INTS8: variants seen among roughly 807,000 people sequenced by gnomAD.
The protein encoded by INTS8 is protein kaonashi-1.
In INTS8, 47 loss-of-function variants were observed where a neutral mutation model predicts 138.9. That is an observed-to-expected ratio of 0.34 (90% CI 0.27 to 0.43). The LOEUF is 0.43. Ranked by LOEUF, INTS8 falls within the 20% of genes least tolerant of loss-of-function variation. The pLI, the probability that INTS8 is intolerant of heterozygous loss-of-function variation, is 1.00. For synonymous variants in INTS8, 392 were observed against 400.9 expected (o/e 0.98, Z 0.27); for missense variants, 996 against 1,173.0 (o/e 0.85, Z 2.20).
intron 13 of INTS8, 105 bp from the exon 14 acceptor site, chr8:94,853,700 G>C (rs1021842685): frequency 6.3e-6 from 4 of 632,474 alleles, no homozygotes; most frequent in Admixed American, 5.1e-5. Context: ...GAGACGACCC[G>C]TGAGTTATTT....
intron 13 of INTS8, 21 bp from the exon 14 acceptor site, chr8:94,853,784 T>C (rs770335638): frequency 2.3e-6 from 3 of 1,302,906 alleles, no homozygotes; most frequent in South Asian, 1.2e-5. Flanking sequence ...CATATATATA[T>C]GTATTTTTTG....
In INTS8 at chr8:94,824,943, C is replaced by T; in HGVS notation, c.181C>T (p.Pro61Ser). ...IVQFLEQASK[P>S]SVNEQNQVQP... ...TCAGTTTTTGGAACAGGCTTCCAAA[C>T]CTTCAGTTAATGAACAAAACCAAGT... The change falls in exon 2 of 27, where the codon CCT becomes TCT. Residue 61 changes from proline (P) to serine (S), a missense_variant. By Grantham distance (74) the Pro-to-Ser change is moderately conservative. Coordinates refer to ENST00000523731, the MANE Select transcript of INTS8 (RefSeq NM_017864.4). 3 of 1,612,940 alleles carry T rather than the reference C, an allele frequency of 1.9e-6. No individual in the cohort carries two copies. The highest frequency in any genetic ancestry group is 2.2e-5 in the South Asian group (2 of 91,056).
rs1018948442 is a variant in INTS8, at chr8:94,881,047, T to TA, written c.*819dup. 6 of 398,266 alleles carry TA rather than the reference T, an allele frequency of 1.5e-5. No homozygotes were observed. Among genetic ancestry groups the TA allele is most frequent in the Non-Finnish European group, 2.7e-5 (6 of 225,714 alleles). The allele number at this position is 398,266 out of a possible 1,614,324, so 24.7% of individuals were successfully genotyped here. ...TTATGGCAAGGCAAATAAACTAGTT[T>TA]AAAAAACATTAAATTTCACCATTTG... On this transcript the variant is annotated 3_prime_UTR_variant, in exon 27 of 27. Coordinates refer to ENST00000523731, the MANE Select transcript of INTS8 (RefSeq NM_017864.4).
intron 2 of INTS8, among the ~76,000 whole-genome samples, chr8:94,826,616 A>AT (rs1341000204): frequency 6.6e-6 from 1 of 152,172 alleles, no homozygotes; most frequent in Non-Finnish European, 1.5e-5. Context: ...TAATATTGTG[A>AT]TTATGTTAAG....
chr8:94,837,002 A>G (rs1401353864), intron 7 of INTS8, among the ~76,000 whole-genome samples: 4 of 152,096 alleles, frequency 2.6e-5, no homozygotes. Context: ...TACAGCTGCA[A>G]TATTTGTATC....
intron 5 of INTS8, among the ~76,000 whole-genome samples, chr8:94,830,290 T>C (rs1814664021): frequency 6.6e-6 from 1 of 152,202 alleles, no homozygotes; most frequent in South Asian, 2.1e-4. Context: ...ACACCTACAA[T>C]GTTCCATATT....
rs773853044 is a variant in INTS8, at chr8:94,865,537, A to G, written c.2108A>G (p.Glu703Gly). ...CAGCTTTTAGCAGCTACATGCAAAGAACTTCCAGGCCCTAAAGAAAGTAGA... is the reference window on the plus strand; with the variant it reads ...CAGCTTTTAGCAGCTACATGCAAAGGACTTCCAGGCCCTAAAGAAAGTAGA... ...LGQLLAATCK[E>G]LPGPKESRRT... Residue 703 changes from glutamate to glycine, a missense_variant, in exon 17 of 27, where the codon GAA (glutamate) becomes GGA (glycine). Transcript: ENST00000523731. 1.2e-6 allele frequency: 2 copies of G among 1,613,960 alleles called. No homozygotes were observed. Among genetic ancestry groups the G allele is most frequent in the Non-Finnish European group, 1.7e-6 (2 of 1,179,904 alleles).
At chr8:94,866,970 A>T (rs1430892467) in intron 18 of INTS8, 170 bp from the exon 19 acceptor site, 7 of 565,266 alleles carry the variant, frequency 1.2e-5, no homozygotes, top group Non-Finnish European at 2.2e-5. Flanking sequence ...CCGCCCCCAC[A>T]TGCGATTAAA....
Position 94,842,347 on chromosome 8 carries a change from A to G in INTS8, c.1119A>G (p.Gly373=). ...LRELFKKAQQ[G]NEALDEICFK... Reference sequence around the variant, plus strand: ...GTTGATCTACTTTTGTATTCTACAGAAATGAAGCTCTAGATGAAATCTGTT... The same window carrying G: ...GTTGATCTACTTTTGTATTCTACAGGAATGAAGCTCTAGATGAAATCTGTT... Residue 373 remains glycine (G), a splice_region_variant and synonymous_variant, in exon 10 of 27, where the codon GGA becomes GGG. Coordinates refer to ENST00000523731, the MANE Select transcript of INTS8 (RefSeq NM_017864.4). The G allele has an allele frequency of 6.4e-7, 1 of 1,573,958 alleles. No individual in the cohort carries two copies. The highest frequency in any genetic ancestry group is 8.7e-7 in the Non-Finnish European group (1 of 1,154,208).
chr8:94,823,720 C>A (rs1814369916), intron 1 of INTS8, among the ~76,000 whole-genome samples, 159 bp downstream of exon 1: 1 of 152,234 alleles, frequency 6.6e-6, no homozygotes, highest in African/African-American at 2.4e-5. Context: ...CTTAAACATG[C>A]CCGGGTGGAG....
chr8:94,851,673 C>T lies in INTS8; in HGVS notation c.1628C>T (p.Thr543Ile). The T allele has an allele frequency of 6.3e-7, 1 of 1,594,486 alleles. No individual in the cohort carries two copies. The highest frequency in any genetic ancestry group is 8.5e-7 in the Non-Finnish European group (1 of 1,174,032). The change falls in exon 13 of 27, where the codon ACA (threonine) becomes ATA (isoleucine). Residue 543 changes from threonine to isoleucine, a missense_variant. Physicochemically the swap from Thr to Ile is moderately conservative, Grantham distance 89 (BLOSUM62 -1). Transcript: ENST00000523731. ...HGMTSERQFW[T>I]VSNKWEVPSV... is the part of the protein sequence containing the mutation. The stretch of plus-strand genomic sequence containing the variant: ...ATGACTTCAGAGCGCCAGTTCTGGA[C>T]AGTGTCTAATAAGGTAAACCCTATG...
intron 7 of INTS8, among the ~76,000 whole-genome samples, chr8:94,837,045 A>G (rs1438145221): frequency 6.6e-6 from 1 of 152,210 alleles, no homozygotes; most frequent in Non-Finnish European, 1.5e-5. Flanking sequence ...GATTTCAGAT[A>G]TGTTTAAGTT....
chr8:94,871,472 C>T (rs149364941), intron 20 of INTS8, among the ~76,000 whole-genome samples: 1,724 of 149,474 alleles, frequency 0.012, 31 homozygotes, highest in African/African-American at 0.04. Context: ...AGTGAGACTC[C>T]GTCTCAAAAA....
chr8:94,835,024 G>A (rs141956348), intron 6 of INTS8, among the ~76,000 whole-genome samples: 6 of 152,314 alleles, frequency 3.9e-5, no homozygotes, highest in Admixed American at 2.0e-4. Context: ...GAGCACAGTG[G>A]AGAGGTTTGG....
At chr8:94,864,042 A>G (rs1390185455) in intron 16 of INTS8, among the ~76,000 whole-genome samples, 1 of 152,236 alleles carries the variant, frequency 6.6e-6, no homozygotes, top group Admixed American at 6.5e-5. Context: ...TAGAAGATGT[A>G]TGTGGAAGTA....
chr8:94,849,197 G>T (rs1201334409), intron 10 of INTS8, among the ~76,000 whole-genome samples: 1 of 152,038 alleles, frequency 6.6e-6, no homozygotes, highest in Non-Finnish European at 1.5e-5. Flanking sequence ...GATAAATTCT[G>T]TGAGAACTGT....
chr8:94,867,290 T>A lies in INTS8; in HGVS notation c.2367T>A (p.Asn789Lys). ...TCTTTTTAAAGGAGGACATTGTGAA[T>A]GATATTACAGCTGAACACATTTCTA... ...KLHNVREDIV[N>K]DITAEHISIW... is the part of the protein sequence containing the mutation. The change falls in exon 20 of 27, where the codon AAT becomes AAA. Residue 789 changes from asparagine to lysine, a missense_variant. Coordinates refer to ENST00000523731, the MANE Select transcript of INTS8 (RefSeq NM_017864.4). The A allele has an allele frequency of 6.2e-7, 1 of 1,611,776 alleles. No homozygotes were observed. The highest frequency in any genetic ancestry group is 8.5e-7 in the Non-Finnish European group (1 of 1,178,848).
chr8:94,835,663 A>C (rs1814899238), intron 6 of INTS8, among the ~76,000 whole-genome samples: 1 of 151,596 alleles, frequency 6.6e-6, no homozygotes. Flanking sequence ...GCAGTGGTGC[A>C]ATCTTGGCTC....
intron 20 of INTS8, among the ~76,000 whole-genome samples, chr8:94,870,099 T>C (rs918755638): frequency 6.6e-6 from 1 of 151,946 alleles, no homozygotes; most frequent in African/African-American, 2.4e-5. Flanking sequence ...TCACCCAGGC[T>C]GGAGTGCAGT....
Sources: gnomAD v4.1 joint callset for allele counts (sites outside exome capture counted in the v4.1 genomes callset) on GRCh38, gnomAD v4.1.1 for gene constraint, MANE v1.5 for transcripts, NCBI Gene and HGNC (gene_info 2026-07-23, HGNC 2026-07-21) for gene names.